Variants in GLB1L3 observed in about 807,000 individuals in gnomAD.
GLB1L3 encodes the protein galactosidase beta 1 like 3, also known as beta-galactosidase-1-like protein 3.
In GLB1L3, 89 loss-of-function variants were observed where a neutral mutation model predicts 89.5. That is an observed-to-expected ratio of 0.99 (90% confidence interval 0.84 to 1.19). The LOEUF (loss-of-function observed/expected upper bound fraction) is 1.19, where lower values mean the gene tolerates loss of function less well. GLB1L3 is among the 50% of genes most tolerant of loss of function. The pLI is 0.00. For missense variants in GLB1L3, 812 were observed against 813.3 expected (o/e 1.00, Z 0.02); for synonymous variants, 314 against 312.3 (o/e 1.01, Z -0.06).
chr11:134,287,333 T>G lies in GLB1L3; in HGVS notation c.637-1465T>G, dbSNP rs189375079. 3.9e-5 allele frequency: 6 copies of G among 152,296 alleles called. No individual in the cohort carries two copies. The East Asian group carries it at 1.2e-3, about 29-fold the overall frequency. 9.4% of individuals were successfully genotyped at this position (152,296 alleles called of 1,614,324 possible). ...AGAAGCAAGGAATTATAAGGGTAAG[T>G]GAAATGTAATGCCCCATACCTCGCA... On this transcript the variant is annotated intron_variant, in intron 6 of 19. Coordinates refer to ENST00000431683, the MANE Select transcript of GLB1L3 (RefSeq NM_001080407.3).
chr11:134,277,726 T>C lies in GLB1L3; in HGVS notation c.176T>C (p.Leu59Pro). 2 of 1,612,110 alleles carry C rather than the reference T, an allele frequency of 1.2e-6. No individual in the cohort carries two copies. Among genetic ancestry groups the C allele is most frequent in the Non-Finnish European group, 1.7e-6 (2 of 1,179,112 alleles). ...PRFNWSHLTP[L>P]ELKNRSVGLG... The stretch of plus-strand genomic sequence containing the variant: ...TTTAATTGGTCTCATCTGACCCCTC[T>C]GGAGCTGAAGAATCGATCTGTGGGA... The change falls in exon 3 of 20, where the codon CTG (leucine) becomes CCG (proline). Residue 59 changes from leucine to proline, a missense_variant. By Grantham distance (98) the Leu-to-Pro change is moderately conservative (BLOSUM62 -3). Coordinates refer to ENST00000431683, the MANE Select transcript of GLB1L3 (RefSeq NM_001080407.3).
chr11:134,280,006 T>A (rs1270311653), intron 3 of GLB1L3, among the ~76,000 whole-genome samples: 1 of 152,118 alleles, frequency 6.6e-6, no homozygotes, highest in African/African-American at 2.4e-5. Flanking sequence ...TCTTTTGTGT[T>A]TTCTAATATA....
At chr11:134,296,436 C>T (rs572524139) in intron 9 of GLB1L3, among the ~76,000 whole-genome samples, 1 of 131,610 alleles carries the variant, frequency 7.6e-6, no homozygotes, top group South Asian at 2.8e-4. Context: ...AGACTTGGAA[C>T]CAACCCAAAT....
At position 134,313,462 on chromosome 11, in the gene GLB1L3, A is replaced by G; in HGVS notation, c.1567A>G (p.Asn523Asp). 1 of 1,577,946 alleles carries G rather than the reference A, an allele frequency of 6.3e-7. No individual in the cohort carries two copies. Among genetic ancestry groups the G allele is most frequent in the African/African-American group, 1.3e-5 (1 of 74,246 alleles). ...GRVNFSWQIQ[N>D]EQKGITGSVS... is the part of the protein sequence containing the mutation. ...AGTCAATTTTTCATGGCAAATACAGAATGAGCAGAAAGGTGGGCTCTGGCT... is the reference window on the plus strand; with the variant it reads ...AGTCAATTTTTCATGGCAAATACAGGATGAGCAGAAAGGTGGGCTCTGGCT... The change falls in exon 16 of 20, where the codon AAT (asparagine) becomes GAT (aspartate). Residue 523 changes from asparagine to aspartate, a missense_variant. Physicochemically the swap from Asn to Asp is conservative, Grantham distance 23. Transcript: ENST00000431683.
chr11:134,297,309 T>C (rs1315382634), intron 9 of GLB1L3, among the ~76,000 whole-genome samples: 1 of 152,226 alleles, frequency 6.6e-6, no homozygotes, highest in African/African-American at 2.4e-5. Flanking sequence ...TATTTACATA[T>C]TGCTTTAAAA....
intron 12 of GLB1L3, 172 bp downstream of exon 12, chr11:134,310,823 A>T: frequency 1.6e-6 from 1 of 628,090 alleles, no homozygotes; most frequent in Non-Finnish European, 2.8e-6. Flanking sequence ...GTGATTTTTT[A>T]AAATCAGGGT....
At chr11:134,316,856 C>T (rs1331290046) in intron 18 of GLB1L3, 2 of 152,206 alleles carry the variant, frequency 1.3e-5, no homozygotes, top group Admixed American at 6.5e-5. Context: ...AGCACTTGCC[C>T]ATAATGACAA....
At position 134,313,379 on chromosome 11, in the gene GLB1L3, C is replaced by T; in HGVS notation, c.1501-17C>T. ...TCCATGGCTGCGTGGTCTCCATGAC[C>T]TGGCCTGTCCCAGCAGGACTGCCGA... On this transcript the variant is annotated splice_polypyrimidine_tract_variant and intron_variant, in intron 15 of 19. Coordinates refer to ENST00000431683, the MANE Select transcript of GLB1L3 (RefSeq NM_001080407.3). The T allele has an allele frequency of 6.4e-7, 1 of 1,565,688 alleles. No individual in the cohort carries two copies. The highest frequency in any genetic ancestry group is 1.4e-5 in the African/African-American group (1 of 73,808).
At position 134,292,120 on chromosome 11, in the gene GLB1L3, T is replaced by A. The variant is rs375420532; in HGVS notation, c.730-12T>A. 1.9e-6 allele frequency: 3 copies of A among 1,610,638 alleles called. No homozygotes were observed. The highest frequency in any genetic ancestry group is 2.5e-6 in the Non-Finnish European group (3 of 1,177,286). On this transcript the variant is annotated splice_polypyrimidine_tract_variant and intron_variant, in intron 7 of 19. Coordinates refer to ENST00000431683, the MANE Select transcript of GLB1L3 (RefSeq NM_001080407.3). The stretch of plus-strand genomic sequence containing the variant: ...AGGGAATTGGGTTCATTTTGGTTAA[T>A]TTTCTCAACAGGCCCTGCTGAGAAG...
downstream of GLB1L3, among the ~76,000 whole-genome samples, chr11:134,319,745 TGTGC>T (rs756720230): frequency 0.037 from 5,281 of 140,892 alleles, 130 homozygotes; most frequent in Non-Finnish European, 0.055. Flanking sequence ...TGTGTGTGTG[TGTGC>T]GCGCGCGCGT....
At position 134,308,223 on chromosome 11, in the gene GLB1L3, TCACCACCACCAC is replaced by T. The variant is rs1942337238; in HGVS notation, c.961+1018_961+1029del. Among the ~76,000 whole-genome samples, 6 of 27,550 alleles carry T rather than the reference TCACCACCACCAC, an allele frequency of 2.2e-4. 1 individual carries two copies. The highest frequency in any genetic ancestry group is 3.4e-4 in the Non-Finnish European group (5 of 14,688). 18.1% of individuals were successfully genotyped at this position (27,550 alleles called of 152,430 possible). A position where few individuals can be genotyped will look rare whatever the true frequency, so the allele number is the denominator to read the frequency against. ...ACCACTACCACCACCACCATCACCA[TCACCACCACCAC>T]CATCACCATCACCACCATCACCACC... is the stretch of plus-strand genomic sequence containing the variant. On this transcript the variant is annotated intron_variant, in intron 10 of 19. Transcript: ENST00000431683.
Position 134,309,717 on chromosome 11 carries a change from C to T in GLB1L3, c.1053C>T (p.Asn351=), listed in dbSNP as rs373860571. ...FHGGTNFGFM[N]GATYFGKHSG... is the part of the protein sequence containing the mutation. ...GTGGAACCAACTTTGGTTTCATGAA[C>T]GGGGCCACATATTTCGGGAAGCACT... Residue 351 remains asparagine (N), a synonymous_variant, in exon 11 of 20, where the codon AAC becomes AAT. Coordinates refer to ENST00000431683, the MANE Select transcript of GLB1L3 (RefSeq NM_001080407.3). 5.0e-5 allele frequency: 81 copies of T among 1,613,112 alleles called. No individual in the cohort carries two copies. The highest frequency in any genetic ancestry group is 1.1e-4 in the East Asian group (5 of 44,880).
rs900682307 is a variant in GLB1L3 at position 134,276,716 on chromosome 11, C to T, written c.-25C>T. The T allele has an allele frequency of 7.6e-6, 11 of 1,443,934 alleles. No homozygotes were observed. The highest frequency in any genetic ancestry group is 9.1e-6 in the Non-Finnish European group (10 of 1,099,872). The allele number at this position is 1,443,934 out of a possible 1,614,324, so 89.4% of individuals were successfully genotyped here. ...GGAGAGGGGCGGAAGCCGCAAGGGA[C>T]CCTCGGCGCCTCGGCCTGGCCGCGA... On this transcript the variant is annotated 5_prime_UTR_variant, in exon 1 of 20. Coordinates refer to ENST00000431683, the MANE Select transcript of GLB1L3 (RefSeq NM_001080407.3).
chr11:134,277,865 G>A lies in GLB1L3; in HGVS notation c.315G>A (p.Arg105=). Residue 105 remains arginine, a synonymous_variant, in exon 3 of 20, where the codon AGG becomes AGA. Coordinates refer to ENST00000431683, the MANE Select transcript of GLB1L3 (RefSeq NM_001080407.3). ...TCCGGGTGCCCAGGGAGTACTGGAGGGACCGCCTGCTGAAGCTGAAGGCCT... is the reference window on the plus strand; with the variant it reads ...TCCGGGTGCCCAGGGAGTACTGGAGAGACCGCCTGCTGAAGCTGAAGGCCT... ...HYFRVPREYW[R]DRLLKLKACG... is the part of the protein sequence containing the mutation. 3 of 1,613,930 alleles carry A rather than the reference G, an allele frequency of 1.9e-6. No individual in the cohort carries two copies. Among genetic ancestry groups the A allele is most frequent in the Non-Finnish European group, 2.5e-6 (3 of 1,179,970 alleles).
intron 17 of GLB1L3, 125 bp downstream of exon 17, chr11:134,314,153 T>C (rs1942879469): frequency 1.3e-6 from 1 of 778,528 alleles, no homozygotes; most frequent in East Asian, 2.7e-5. Flanking sequence ...TGTTGGGTAC[T>C]TCGGCGTCAG....
At chr11:134,311,012 A>G in intron 12 of GLB1L3, 52 bp from the exon 13 acceptor site, 1 of 1,285,942 alleles carries the variant, frequency 7.8e-7, no homozygotes, top group Non-Finnish European at 1.1e-6. Flanking sequence ...GGCTTAGAGA[A>G]GGCAGTGGTC....
intron 10 of GLB1L3, among the ~76,000 whole-genome samples, chr11:134,308,203 T>C (rs140874565): frequency 0.038 from 1,129 of 30,044 alleles, 40 homozygotes; most frequent in African/African-American, 0.074. Flanking sequence ...CCATCACCAC[T>C]ACCACCACCA....
chr11:134,316,774 C>CT (rs1406321091), intron 18 of GLB1L3: 2 of 152,196 alleles, frequency 1.3e-5, no homozygotes, highest in African/African-American at 4.8e-5. Context: ...TCTTTCACCT[C>CT]TAAGTTTTAA....
At chr11:134,304,806 A>C (rs1219493753) in intron 9 of GLB1L3, among the ~76,000 whole-genome samples, 2 of 152,170 alleles carry the variant, frequency 1.3e-5, no homozygotes, top group East Asian at 1.9e-4. Flanking sequence ...ATTTTGACCT[A>C]TGCTATAGAA....
Sources: allele counts gnomAD v4.1 joint callset (sites outside exome capture counted in the v4.1 genomes callset), GRCh38; gene constraint gnomAD v4.1.1; transcripts MANE v1.5; gene names NCBI Gene and HGNC (gene_info 2026-07-23, HGNC 2026-07-21).